RSBN1: variants seen among roughly 807,000 people sequenced by gnomAD.
RSBN1 encodes the protein round spermatid basic protein 1, also known as lysine-specific demethylase 9.
RSBN1 carries 23 observed loss-of-function variants against 74.8 expected under a neutral mutation model. That is an observed-to-expected ratio of 0.31 (90% confidence interval 0.22 to 0.44). The LOEUF (loss-of-function observed/expected upper bound fraction) is 0.44. Among genes scored for constraint, RSBN1 ranks in the 20% least tolerant of loss-of-function variants. The probability of loss-of-function intolerance (pLI) is 1.00; values close to 1 mark genes in which losing one functional copy is unlikely to be tolerated. For synonymous variants in RSBN1, 407 were observed against 379.6 expected, an observed-to-expected ratio of 1.07 and a Z score of -0.84; for missense variants, 808 against 1,020.9, an observed-to-expected ratio of 0.79 and a Z score of 2.84.
chr1:113,787,635 A>C (rs1464886505), intron 2 of RSBN1, among the ~76,000 whole-genome samples: 1 of 152,214 alleles, frequency 6.6e-6, no homozygotes, highest in Non-Finnish European at 1.5e-5. Context: ...ATTACACTGG[A>C]AGCAGGGAAT....
rs1381747894 is a variant in RSBN1 at position 113,777,825 on chromosome 1, G to A, written c.1378-17C>T. The A allele has an allele frequency of 3.9e-6, 6 of 1,527,268 alleles. No homozygotes were observed. Among genetic ancestry groups the A allele is most frequent in the African/African-American group, 2.8e-5 (2 of 72,592 alleles). 94.6% of individuals were successfully genotyped at this position (1,527,268 alleles called of 1,614,324 possible). A position where few individuals can be genotyped will look rare whatever the true frequency, so the allele number is the denominator to read the frequency against. On this transcript the variant is annotated splice_polypyrimidine_tract_variant and intron_variant, in intron 2 of 6. Coordinates refer to ENST00000261441, the MANE Select transcript of RSBN1 (RefSeq NM_018364.5). ...CCTGTTGACCTAAGATAAAACAAAA[G>A]AGGGAAAAATGGACTGAGGTACAAC...
intron 2 of RSBN1, among the ~76,000 whole-genome samples, chr1:113,789,737 G>A (rs1036367026): frequency 1.1e-4 from 16 of 152,202 alleles, no homozygotes; most frequent in African/African-American, 3.6e-4. Flanking sequence ...TTGTGGGGGA[G>A]AAATCTCCCA....
chr1:113,771,499 C>A, intron 4 of RSBN1, among the ~76,000 whole-genome samples: 1 of 147,664 alleles, frequency 6.8e-6, no homozygotes, highest in Admixed American at 6.8e-5. Flanking sequence ...AAAAGATATC[C>A]ACATAAAAAA....
rs551075461 is a variant in RSBN1 at position 113,776,407 on chromosome 1, T to G, written c.1658+803A>C. ...AGTTTTGTTTGGTTTTGGTTTGGGT[T>G]TGAGTCAGGATCTTGTCGTGGAGTC... On this transcript the variant is annotated intron_variant, in intron 4 of 6. Transcript: ENST00000261441. Among the ~76,000 whole-genome samples, 3 of 152,322 alleles carry G rather than the reference T, an allele frequency of 2.0e-5. No individual in the cohort carries two copies. In the South Asian group the frequency reaches 6.2e-4, roughly 32 times the overall value.
At chr1:113,801,142 C>T (rs1362986144) in intron 1 of RSBN1, among the ~76,000 whole-genome samples, 1 of 151,950 alleles carries the variant, frequency 6.6e-6, no homozygotes, top group Non-Finnish European at 1.5e-5. Flanking sequence ...CCACCACACC[C>T]GGCTAATTTT....
intron 2 of RSBN1, among the ~76,000 whole-genome samples, chr1:113,783,103 A>T (rs890956546): frequency 1.3e-5 from 2 of 152,238 alleles, no homozygotes. Flanking sequence ...AACCACTCAC[A>T]AAAGAAATCA....
chr1:113,787,733 T>C (rs992509791), intron 2 of RSBN1, among the ~76,000 whole-genome samples: 1 of 152,168 alleles, frequency 6.6e-6, no homozygotes, highest in Non-Finnish European at 1.5e-5. Context: ...CTCCATCCCC[T>C]GACAAAAATG....
chr1:113,801,950 A>G (rs1660592884), intron 1 of RSBN1, among the ~76,000 whole-genome samples: 1 of 151,886 alleles, frequency 6.6e-6, no homozygotes, highest in Non-Finnish European at 1.5e-5. Context: ...ACAGCTTTCT[A>G]TATTATTAAG....
rs564713906 is a variant in RSBN1, at chr1:113,811,855, C to G, written c.558G>C (p.Lys186Asn). The G allele has an allele frequency of 6.8e-6, 11 of 1,613,592 alleles. No individual in the cohort carries two copies. Among genetic ancestry groups the G allele is most frequent in the East Asian group, 6.7e-5 (3 of 44,830 alleles). ...LTVSAAGPKHKGHKERHKHHH... is the reference protein window; with the variant it reads ...LTVSAAGPKHNGHKERHKHHH... ...GGTGCTTGTGCCGCTCCTTGTGGCC[C>G]TTATGCTTGGGCCCGGCCGCGCTCA... The change falls in exon 1 of 7, where the codon AAG (lysine) becomes AAC (asparagine). Residue 186 changes from lysine to asparagine, a missense_variant. Lys to Asn is a moderately conservative substitution (Grantham distance 94). Transcript: ENST00000261441.
chr1:113,762,057 G>T lies in RSBN1; in HGVS notation c.*3923C>A, dbSNP rs1466486619. 2 of 152,516 alleles carry T rather than the reference G, an allele frequency of 1.3e-5. No individual in the cohort carries two copies. The highest frequency in any genetic ancestry group is 4.8e-5 in the African/African-American group (2 of 41,358). The allele number at this position is 152,516 out of a possible 1,614,324, so 9.4% of individuals were successfully genotyped here. On this transcript the variant is annotated 3_prime_UTR_variant, in exon 7 of 7. Transcript: ENST00000261441. ...CGTTAATGTCAATAAACAAACTAAG[G>T]CCACACAACGCAAATAGTCCGCCAG...
At chr1:113,769,063 A>G (rs866956343) in intron 4 of RSBN1, among the ~76,000 whole-genome samples, 13 of 152,172 alleles carry the variant, frequency 8.5e-5, no homozygotes, top group South Asian at 6.2e-4. Flanking sequence ...CTGCCAACCA[A>G]TTTAAAGACC....
At chr1:113,786,070 A>G (rs1034105312) in intron 2 of RSBN1, among the ~76,000 whole-genome samples, 3 of 152,244 alleles carry the variant, frequency 2.0e-5, no homozygotes, top group Non-Finnish European at 4.4e-5. Context: ...GGCTAAGCTA[A>G]TAACTTGATT....
chr1:113,782,826 A>G (rs1191245591), intron 2 of RSBN1, among the ~76,000 whole-genome samples: 3 of 152,306 alleles, frequency 2.0e-5, no homozygotes, highest in African/African-American at 7.2e-5. Flanking sequence ...TCTTTTTGTT[A>G]ACAGCCAGAA....
At chr1:113,767,919 G>A (rs928188598) in intron 5 of RSBN1, 1 of 216,734 alleles carries the variant, frequency 4.6e-6, no homozygotes. Context: ...ATGTAAAGTA[G>A]TCAAATTCAT....
chr1:113,790,905 G>A (rs183142347), intron 2 of RSBN1, among the ~76,000 whole-genome samples: 11 of 152,314 alleles, frequency 7.2e-5, no homozygotes, highest in Admixed American at 5.9e-4. Context: ...AGGAACCTGA[G>A]AGTCTAATGT....
chr1:113,806,857 A>C (rs1396904350), intron 1 of RSBN1, among the ~76,000 whole-genome samples: 1 of 150,916 alleles, frequency 6.6e-6, no homozygotes, highest in Non-Finnish European at 1.5e-5. Flanking sequence ...AAAAAAAAAA[A>C]AAAACATTAG....
At chr1:113,784,435 G>A (rs1660198453) in intron 2 of RSBN1, among the ~76,000 whole-genome samples, 1 of 152,126 alleles carries the variant, frequency 6.6e-6, no homozygotes, top group Non-Finnish European at 1.5e-5. Flanking sequence ...GTAGTCCAGT[G>A]GTCCCCAATC....
chr1:113,779,961 A>G (rs1660105004), intron 2 of RSBN1, among the ~76,000 whole-genome samples: 2 of 152,052 alleles, frequency 1.3e-5, no homozygotes, highest in Admixed American at 6.5e-5. Context: ...CGGAGTTTGC[A>G]GTGAGCCAAG....
Position 113,766,432 on chromosome 1 carries a change from C to T in RSBN1, c.1957G>A (p.Ala653Thr). 6.2e-7 allele frequency: 1 copy of T among 1,612,958 alleles called. No individual in the cohort carries two copies. Among genetic ancestry groups the T allele is most frequent in the Non-Finnish European group, 8.5e-7 (1 of 1,179,446 alleles). The change falls in exon 7 of 7, where the codon GCT becomes ACT. Residue 653 changes from alanine to threonine, a missense_variant. Physicochemically the swap from Ala to Thr is moderately conservative, Grantham distance 58 (BLOSUM62 0). Transcript: ENST00000261441. ...TCCCGCCTCATTTGGTTTAGTTTAGCTTCATCTACCCACTGTACGCACTGA... is the reference window on the plus strand; with the variant it reads ...TCCCGCCTCATTTGGTTTAGTTTAGTTTCATCTACCCACTGTACGCACTGA... Reference protein sequence around the residue: ...VSQCVQWVDEAKLNQMRREGI... With the variant: ...VSQCVQWVDETKLNQMRREGI...
Sources: allele counts gnomAD v4.1 joint callset (sites outside exome capture counted in the v4.1 genomes callset), GRCh38; gene constraint gnomAD v4.1.1; transcripts MANE v1.5; gene names NCBI Gene and HGNC (gene_info 2026-07-23, HGNC 2026-07-21).